The following CASK variants were observed in gnomAD, a reference collection of about 807,000 sequenced individuals.
The protein encoded by CASK is peripheral plasma membrane protein CASK.
Under a neutral mutation model 82.9 loss-of-function variants are expected in CASK, and 4 were observed. The observed-to-expected ratio is 0.05, with a 90% CI of 0.02 to 0.11. The LOEUF is 0.11. Among genes scored for constraint, CASK ranks in the 10% least tolerant of loss-of-function variants. CASK has a pLI of 1.00. For synonymous variants in CASK, 259 were observed against 253.5 expected (o/e 1.02, Z -0.20); for missense variants, 358 against 720.9 (o/e 0.50, Z 5.76).
intron 8 of CASK, among the ~76,000 whole-genome samples, chrX:41,637,246 G>A (rs907172735): frequency 1.5e-4 from 16 of 109,625 alleles, no homozygotes; most frequent in Non-Finnish European, 3.0e-4. Context: ...AAGCCACTCT[G>A]CCTGGCCTCA....
intron 2 of CASK, among the ~76,000 whole-genome samples, chrX:41,827,632 T>C (rs2070694787): frequency 8.9e-6 from 1 of 112,336 alleles, no homozygotes; most frequent in Non-Finnish European, 1.9e-5. Flanking sequence ...AGCAGGCCCA[T>C]ACTTCCTAAA....
chrX:41,554,094 A>C lies in CASK; in HGVS notation c.1843-179T>G, dbSNP rs143633060. On this transcript the variant is annotated intron_variant, in intron 20 of 26. Transcript: ENST00000378163. ...CTACCGCTAGAAACAATGTACTAGT[A>C]ATCTTTGATGAGTATAGCTTCAAAA... Among the ~76,000 whole-genome samples, 502 of 112,676 alleles carry C rather than the reference A, an allele frequency of 4.5e-3. 4 individuals carry two copies. Among genetic ancestry groups the C allele is most frequent in the African/African-American group, 0.015 (482 of 31,104 alleles).
In CASK at chrX:41,745,369, G is replaced by A. The variant is rs925042290; in HGVS notation, c.356+155C>T. ...CATTGTTCGGTATTTTGCATTTCCA[G>A]TGACTATCGGTTCTACTAACACATA... On this transcript the variant is annotated intron_variant, in intron 4 of 26. Coordinates refer to ENST00000378163, the MANE Select transcript of CASK (RefSeq NM_001367721.1). 11 of 498,267 alleles carry A rather than the reference G, an allele frequency of 2.2e-5. No homozygotes were observed. In the African/African-American group the frequency reaches 2.4e-4, roughly 11 times the overall value. 41.1% of individuals were successfully genotyped at this position (498,267 alleles called of 1,213,427 possible). A position where few individuals can be genotyped will look rare whatever the true frequency, so the allele number is the denominator to read the frequency against.
At chrX:41,648,992 T>G (rs923524124) in intron 8 of CASK, among the ~76,000 whole-genome samples, 2 of 111,601 alleles carry the variant, frequency 1.8e-5, no homozygotes, top group Non-Finnish European at 3.8e-5. Flanking sequence ...GGAGGGTGTA[T>G]GTGTCCAGGA....
intron 1 of CASK, among the ~76,000 whole-genome samples, chrX:41,909,753 C>T (rs2072529693): frequency 9.0e-6 from 1 of 111,244 alleles, no homozygotes; most frequent in Non-Finnish European, 1.9e-5. Flanking sequence ...TACAGGCACA[C>T]GCCACCATGG....
intron 21 of CASK, among the ~76,000 whole-genome samples, chrX:41,548,007 A>G (rs980833517): frequency 7.1e-5 from 8 of 112,534 alleles, no homozygotes; most frequent in African/African-American, 9.7e-5. Flanking sequence ...AATTCTACAC[A>G]CAGAATCATA....
chrX:41,721,316 C>T (rs1162841746), intron 5 of CASK, among the ~76,000 whole-genome samples: 1 of 111,323 alleles, frequency 9.0e-6, no homozygotes, highest in African/African-American at 3.3e-5. Context: ...TTCCTAATTT[C>T]TTAGAAGAAT....
At chrX:41,592,897 G>A (rs1488974542) in intron 12 of CASK, among the ~76,000 whole-genome samples, 1 of 111,770 alleles carries the variant, frequency 8.9e-6, no homozygotes, top group Non-Finnish European at 1.9e-5. Flanking sequence ...AGTGAGAACC[G>A]CTGTTCTATC....
chrX:41,668,587 G>T (rs1179512706), intron 6 of CASK, among the ~76,000 whole-genome samples: 1 of 111,345 alleles, frequency 9.0e-6, no homozygotes, highest in African/African-American at 3.3e-5. Context: ...TTCAGGTAGG[G>T]GGAGTGTAAA....
chrX:41,613,012 G>A (rs2066121946), intron 11 of CASK, among the ~76,000 whole-genome samples: 1 of 104,937 alleles, frequency 9.5e-6, no homozygotes, highest in African/African-American at 3.5e-5. Context: ...GGAGGTGGGG[G>A]GGTCAGCCCC....
At chrX:41,829,040 A>C (rs2070730745) in intron 2 of CASK, among the ~76,000 whole-genome samples, 1 of 112,382 alleles carries the variant, frequency 8.9e-6, no homozygotes, top group African/African-American at 3.2e-5. Context: ...TTTGTGAACA[A>C]GTCAGATCCC....
At chrX:41,654,429 G>A (rs1486282472) in intron 8 of CASK, among the ~76,000 whole-genome samples, 5 of 111,273 alleles carry the variant, frequency 4.5e-5, no homozygotes, top group African/African-American at 1.3e-4. Flanking sequence ...CCAGCACTTT[G>A]GGAGGCCGAG....
Position 41,876,777 on chromosome X carries a change from G to A in CASK, c.60-23550C>T, listed in dbSNP as rs377383554. Among the ~76,000 whole-genome samples the A allele has an allele frequency of 1.7e-4, 19 of 111,891 alleles. No homozygotes were observed. The East Asian group carries it at 4.2e-3, about 25-fold the overall frequency. On this transcript the variant is annotated intron_variant, in intron 1 of 26. Coordinates refer to ENST00000378163, the MANE Select transcript of CASK (RefSeq NM_001367721.1). ...CTGCTGAAAGACTGCACTATTAACT[G>A]GCACTAAAAATATCTTGTTCCTAAT... is the stretch of plus-strand genomic sequence containing the variant.
chrX:41,778,475 C>T (rs1450083511), intron 3 of CASK, among the ~76,000 whole-genome samples: 1 of 110,863 alleles, frequency 9.0e-6, no homozygotes, highest in African/African-American at 3.3e-5. Context: ...AAGTGATCCG[C>T]CCGCCTTGGC....
At chrX:41,656,456 T>G (rs187304114) in intron 8 of CASK, among the ~76,000 whole-genome samples, 1 of 112,087 alleles carries the variant, frequency 8.9e-6, no homozygotes, top group Non-Finnish European at 1.9e-5. Context: ...ATATTGCACA[T>G]ATTTGGAGAG....
At chrX:41,760,008 T>C (rs1326164863) in intron 3 of CASK, among the ~76,000 whole-genome samples, 2 of 111,935 alleles carry the variant, frequency 1.8e-5, no homozygotes, top group Non-Finnish European at 3.8e-5. Context: ...TGTTTGACAA[T>C]GGTGCCTCCT....
At chrX:41,905,993 T>C (rs760344325) in intron 1 of CASK, among the ~76,000 whole-genome samples, 66 of 112,414 alleles carry the variant, frequency 5.9e-4, no homozygotes, top group Admixed American at 2.0e-3. Context: ...TTATTCAGGA[T>C]TCCACTACTA....
At chrX:41,888,331 TA>T (rs762695882) in intron 1 of CASK, among the ~76,000 whole-genome samples, 56 of 110,939 alleles carry the variant, frequency 5.0e-4, no homozygotes, top group Middle Eastern at 4.6e-3. Context: ...GTGATTCATT[TA>T]TTTTTTTTTT....
At chrX:41,875,208 A>G (rs1303478531) in intron 1 of CASK, among the ~76,000 whole-genome samples, 1 of 112,258 alleles carries the variant, frequency 8.9e-6, no homozygotes, top group Non-Finnish European at 1.9e-5. Context: ...TGCCCAGAGT[A>G]GAACTGATGA....
Sources: allele counts gnomAD v4.1 joint callset (sites outside exome capture counted in the v4.1 genomes callset), GRCh38; gene constraint gnomAD v4.1.1; transcripts MANE v1.5; gene names NCBI Gene and HGNC (gene_info 2026-07-23, HGNC 2026-07-21).